The following NEK1 variants were observed in gnomAD, a reference collection of about 807,000 sequenced individuals.
NEK1 encodes the protein NIMA related kinase 1.
A neutral mutation model predicts 182.1 loss-of-function variants in NEK1; 137 were observed. The observed-to-expected ratio is 0.75, with a 90% confidence interval of 0.65 to 0.87. The LOEUF is 0.87. Among genes scored for constraint, NEK1 ranks in the 40% least tolerant of loss-of-function variants. The probability of loss-of-function intolerance (pLI) is 0.00; values close to 1 mark genes in which losing one functional copy is unlikely to be tolerated. For synonymous variants in NEK1, 513 were observed against 492.2 expected (o/e 1.04, Z -0.56); for missense variants, 1,391 against 1,494.4 (o/e 0.93, Z 1.14).
rs77394776 is a variant in NEK1 at position 169,581,798 on chromosome 4, T to C, written c.808-896A>G. On this transcript the variant is annotated intron_variant, in intron 10 of 35. Transcript: ENST00000507142. The stretch of plus-strand genomic sequence containing the variant: ...CTCTTCATTATCAAAAGAAATTATC[T>C]AGTAATCTCTCAGTTATTTTAATTT... 6.2e-3 allele frequency among the ~76,000 whole-genome samples: 948 copies of C among 152,264 alleles called. 9 individuals are homozygous for C. The highest frequency in any genetic ancestry group is 0.022 in the African/African-American group (911 of 41,554).
At chr4:169,591,712 T>C (rs1768541892) in intron 5 of NEK1, among the ~76,000 whole-genome samples, 1 of 152,088 alleles carries the variant, frequency 6.6e-6, no homozygotes, top group East Asian at 1.9e-4. Flanking sequence ...ATAGGTTAAT[T>C]ATCTGTAATA....
intron 19 of NEK1, among the ~76,000 whole-genome samples, chr4:169,513,671 T>C (rs2149715238): frequency 6.6e-6 from 1 of 152,340 alleles, no homozygotes; most frequent in East Asian, 1.9e-4. Flanking sequence ...TTCAGTCTTC[T>C]ACCTGTATAA....
intron 2 of NEK1, among the ~76,000 whole-genome samples, chr4:169,604,414 T>C (rs573561518): frequency 1.3e-5 from 2 of 152,322 alleles, no homozygotes; most frequent in South Asian, 4.1e-4. Flanking sequence ...ATATCACCCT[T>C]ATTGTAGACA....
chr4:169,503,258 C>T (rs1301463311), intron 23 of NEK1, among the ~76,000 whole-genome samples: 2 of 152,028 alleles, frequency 1.3e-5, no homozygotes, highest in African/African-American at 4.8e-5. Context: ...GCATTTAATG[C>T]CCATGGAAGG....
At chr4:169,478,244 C>A (rs942725951) in intron 24 of NEK1, 1 of 151,834 alleles carries the variant, frequency 6.6e-6, no homozygotes, top group African/African-American at 2.4e-5. Context: ...GAAAGAAAAC[C>A]GTTCAGTTAT....
At chr4:169,482,156 A>G (rs1172417116) in intron 23 of NEK1, among the ~76,000 whole-genome samples, 1 of 152,178 alleles carries the variant, frequency 6.6e-6, no homozygotes, top group Non-Finnish European at 1.5e-5. Context: ...CCTAGTCTTC[A>G]CGGAATTGAG....
intron 19 of NEK1, among the ~76,000 whole-genome samples, chr4:169,509,683 G>A (rs1380935225): frequency 6.6e-6 from 1 of 151,846 alleles, no homozygotes; most frequent in African/African-American, 2.4e-5. Context: ...ATTTCCACTG[G>A]AAATTAGTTT....
chr4:169,488,904 T>C (rs1749542315), intron 23 of NEK1, among the ~76,000 whole-genome samples: 1 of 152,214 alleles, frequency 6.6e-6, no homozygotes, highest in Admixed American at 6.5e-5. Flanking sequence ...ACTTACATTA[T>C]GGATACTATT....
At chr4:169,493,655 C>A (rs115622107) in intron 23 of NEK1, among the ~76,000 whole-genome samples, 1,639 of 152,188 alleles carry the variant, frequency 0.011, 28 homozygotes, top group African/African-American at 0.037. Flanking sequence ...AGTTGGAAGC[C>A]TTAACAACAA....
At chr4:169,481,842 A>T (rs1414256851) in intron 23 of NEK1, among the ~76,000 whole-genome samples, 1 of 152,208 alleles carries the variant, frequency 6.6e-6, no homozygotes, top group Non-Finnish European at 1.5e-5. Context: ...GAAGCTTTGA[A>T]GCCAGCTATT....
chr4:169,443,345 A>G (rs187784166), intron 27 of NEK1, among the ~76,000 whole-genome samples: 13 of 140,432 alleles, frequency 9.3e-5, no homozygotes, highest in Admixed American at 8.4e-4. Context: ...TAACAAATAA[A>G]ACCCCAAACC....
In NEK1 at chr4:169,558,653, C is replaced by T. The variant is rs143964571; in HGVS notation, c.1267-2558G>A. On this transcript the variant is annotated intron_variant, in intron 16 of 35. Transcript: ENST00000507142. Reference sequence around the variant, plus strand: ...CCAATATATTTTCAAACAAGAGATACACCTCTTCCATATTATAATCACCAT... The same window carrying T: ...CCAATATATTTTCAAACAAGAGATATACCTCTTCCATATTATAATCACCAT... Among the ~76,000 whole-genome samples, 198 of 152,258 alleles carry T rather than the reference C, an allele frequency of 1.3e-3. 2 individuals carry two copies. The highest frequency in any genetic ancestry group is 3.4e-4 in the Non-Finnish European group (23 of 68,024).
chr4:169,463,844 G>A (rs1744438031), intron 26 of NEK1, among the ~76,000 whole-genome samples: 1 of 152,066 alleles, frequency 6.6e-6, no homozygotes, highest in African/African-American at 2.4e-5. Context: ...TGTTGCCCAG[G>A]CTAGTCTTGG....
chr4:169,492,500 G>C (rs558561518), intron 23 of NEK1, among the ~76,000 whole-genome samples: 2 of 152,268 alleles, frequency 1.3e-5, no homozygotes, highest in South Asian at 2.1e-4. Context: ...TAAACAGCTG[G>C]GGAGCCCCTC....
Position 169,424,535 on chromosome 4 carries a change from C to T in NEK1, c.3222+18G>A, listed in dbSNP as rs2111334461. On this transcript the variant is annotated intron_variant, in intron 31 of 35. Coordinates refer to ENST00000507142, the MANE Select transcript of NEK1 (RefSeq NM_001199397.3). ...GTTATCGAATGGATAATATTTTCCA[C>T]TTGAGGACCATACTTGCCTTTGGGT... 1 of 1,557,120 alleles carries T rather than the reference C, an allele frequency of 6.4e-7. No individual in the cohort carries two copies. The highest frequency in any genetic ancestry group is 1.2e-5 in the South Asian group (1 of 81,430).
chr4:169,532,526 T>C (rs927934628), intron 19 of NEK1, among the ~76,000 whole-genome samples: 1 of 152,198 alleles, frequency 6.6e-6, no homozygotes, highest in African/African-American at 2.4e-5. Flanking sequence ...TGTACTGCTC[T>C]GCTAAGGGTG....
At chr4:169,561,369 T>C (rs766153256) in intron 16 of NEK1, 111 bp downstream of exon 16, 9 of 890,370 alleles carry the variant, frequency 1.0e-5, no homozygotes, top group Non-Finnish European at 1.6e-5. Flanking sequence ...TAGGTAAAAA[T>C]TAATTGTACA....
intron 12 of NEK1, among the ~76,000 whole-genome samples, chr4:169,571,091 T>C (rs966949121): frequency 6.6e-6 from 1 of 151,888 alleles, no homozygotes; most frequent in African/African-American, 2.4e-5. Context: ...CTTTGTTCAC[T>C]TGTTTATCTG....
intron 32 of NEK1, among the ~76,000 whole-genome samples, chr4:169,405,753 C>A (rs1431546602): frequency 1.3e-5 from 2 of 151,974 alleles, no homozygotes; most frequent in African/African-American, 4.8e-5. Flanking sequence ...TCCACCTCAG[C>A]CTCCTGAGTA....
Sources: allele counts gnomAD v4.1 joint callset (sites outside exome capture counted in the v4.1 genomes callset), GRCh38; gene constraint gnomAD v4.1.1; transcripts MANE v1.5; gene names NCBI Gene and HGNC (gene_info 2026-07-23, HGNC 2026-07-21).